PRKAG2: variants seen among roughly 807,000 people sequenced by gnomAD.
PRKAG2 encodes the protein protein kinase AMP-activated non-catalytic subunit gamma 2.
Under a neutral mutation model 69.6 loss-of-function variants are expected in PRKAG2, and 26 were observed. The ratio of observed to expected loss-of-function variants is 0.37; its 90% CI spans 0.27 to 0.52. The LOEUF is 0.52. PRKAG2 is among the 20% of genes least tolerant of loss of function. The probability of loss-of-function intolerance (pLI) is 0.90; values close to 1 mark genes in which losing one functional copy is unlikely to be tolerated. For missense variants in PRKAG2, 557 were observed against 740.0 expected, an observed-to-expected ratio of 0.75 and a Z score of 2.87; for synonymous variants, 293 against 285.0, an observed-to-expected ratio of 1.03 and a Z score of -0.28.
chr7:151,722,867 G>A (rs1054223817), intron 3 of PRKAG2, among the ~76,000 whole-genome samples: 1 of 152,046 alleles, frequency 6.6e-6, no homozygotes, highest in Non-Finnish European at 1.5e-5. Flanking sequence ...CCCTGCCCCA[G>A]AGGCCTTTTA....
rs75787462 is a variant in PRKAG2 at position 151,850,279 on chromosome 7, C to T, written c.114+26228G>A. ...GGAGGTACAGTCCCCTCACCTAGAA[C>T]GCTTCTTGAGTGTTTAATGGAAAGA... is the stretch of plus-strand genomic sequence containing the variant. On this transcript the variant is annotated intron_variant, in intron 1 of 15. Coordinates refer to ENST00000287878, the MANE Select transcript of PRKAG2 (RefSeq NM_016203.4). This position sits in a 1 kb window ranked among gnomAD's most constrained non-coding sequence, Gnocchi z 4.1. Among the ~76,000 whole-genome samples the T allele has an allele frequency of 0.027, 4,164 of 152,300 alleles. 186 individuals are homozygous for T. The highest frequency in any genetic ancestry group is 0.093 in the African/African-American group (3,880 of 41,546).
intron 4 of PRKAG2, among the ~76,000 whole-genome samples, chr7:151,647,173 A>T (rs1827711017): frequency 6.6e-6 from 1 of 152,196 alleles, no homozygotes; most frequent in African/African-American, 2.4e-5. Context: ...TTGCAGAGAG[A>T]GAGAAGAACG....
At chr7:151,635,404 C>CT (rs35694736) in intron 4 of PRKAG2, among the ~76,000 whole-genome samples, 4 of 152,150 alleles carry the variant, frequency 2.6e-5, no homozygotes, top group East Asian at 1.9e-4. Context: ...TTCATAGCAG[C>CT]TTTTTTGCAA....
At chr7:151,722,771 C>G (rs1326113791) in intron 3 of PRKAG2, among the ~76,000 whole-genome samples, 1 of 151,940 alleles carries the variant, frequency 6.6e-6, no homozygotes, top group African/African-American at 2.4e-5. Flanking sequence ...GTCACAGGCA[C>G]TTCTTATTAT....
chr7:151,876,208 A>T (rs927379957), intron 1 of PRKAG2, among the ~76,000 whole-genome samples: 47 of 152,028 alleles, frequency 3.1e-4, no homozygotes, highest in Non-Finnish European at 5.6e-4. Flanking sequence ...ACCCGGCTGG[A>T]TACCGGGCTA....
At chr7:151,596,664 G>T (rs1195769202) in intron 5 of PRKAG2, among the ~76,000 whole-genome samples, 1 of 152,162 alleles carries the variant, frequency 6.6e-6, no homozygotes, top group East Asian at 1.9e-4. Context: ...CACGAGAATT[G>T]CTTGAACCTG....
At chr7:151,868,681 G>A (rs1207781764) in intron 1 of PRKAG2, among the ~76,000 whole-genome samples, 2 of 152,232 alleles carry the variant, frequency 1.3e-5, no homozygotes, top group Non-Finnish European at 2.9e-5. Flanking sequence ...AGGGAGGGCG[G>A]AGGGAGGAGA....
intron 1 of PRKAG2, among the ~76,000 whole-genome samples, chr7:151,822,853 G>C (rs560733207): frequency 0.11 from 17,440 of 152,078 alleles, 1,129 homozygotes; most frequent in East Asian, 0.24. Flanking sequence ...ACAAAAGGTT[G>C]CCCAATGAAT....
At chr7:151,745,376 G>A (rs377281628) in intron 3 of PRKAG2, among the ~76,000 whole-genome samples, 71 of 152,314 alleles carry the variant, frequency 4.7e-4, no homozygotes, top group African/African-American at 1.4e-3. Context: ...TGCTGCACTT[G>A]ACTCTGAGAT....
intron 6 of PRKAG2, among the ~76,000 whole-genome samples, chr7:151,591,515 C>T (rs1037645850): frequency 3.3e-5 from 5 of 152,148 alleles, no homozygotes; most frequent in South Asian, 2.1e-4. Context: ...CACCCCAGAA[C>T]GGCCTGAAAC....
At chr7:151,616,072 C>T (rs567039499) in intron 5 of PRKAG2, among the ~76,000 whole-genome samples, 2 of 152,336 alleles carry the variant, frequency 1.3e-5, no homozygotes, top group African/African-American at 4.8e-5. Flanking sequence ...CCTTGGCAAG[C>T]AAATTTTGCC....
At chr7:151,718,491 G>A (rs1021323652) in intron 3 of PRKAG2, among the ~76,000 whole-genome samples, 1 of 151,922 alleles carries the variant, frequency 6.6e-6, no homozygotes, top group Non-Finnish European at 1.5e-5. Context: ...GGTCATGGTG[G>A]CTGTGCCCAG....
rs113845641 is a variant in PRKAG2 at position 151,593,273 on chromosome 7, C to T, written c.864+2072G>A. On this transcript the variant is annotated intron_variant, in intron 6 of 15. Transcript: ENST00000287878. ...CACAATCTCGGCTCACTGCAGCCTC[C>T]GCCTCCTGGGTTGAAGCGACCCTCC... Among the ~76,000 whole-genome samples the T allele has an allele frequency of 8.2e-3, 1,241 of 152,262 alleles. 25 individuals carry two copies. Among genetic ancestry groups the T allele is most frequent in the Middle Eastern group, 0.031 (9 of 294 alleles).
At chr7:151,703,885 CACACACACACACACACACACACACAA>C (rs1563476310) in intron 3 of PRKAG2, among the ~76,000 whole-genome samples, 2 of 146,672 alleles carry the variant, frequency 1.4e-5, no homozygotes, top group African/African-American at 5.0e-5. Context: ...CACACACACA[CACACACACACACACACACACACACAA>C]ATTAGCTAGG....
chr7:151,695,967 C>G (rs544732193), intron 3 of PRKAG2, among the ~76,000 whole-genome samples: 2 of 152,194 alleles, frequency 1.3e-5, no homozygotes, highest in Non-Finnish European at 2.9e-5. Flanking sequence ...AGACCCCACC[C>G]TGTGTTTACA....
intron 5 of PRKAG2, among the ~76,000 whole-genome samples, chr7:151,617,282 A>AC: frequency 1.4e-4 from 1 of 7,152 alleles, no homozygotes; most frequent in South Asian, 3.9e-3. Flanking sequence ...GAGGGAGGGA[A>AC]AGAGGGAGGG....
intron 1 of PRKAG2, among the ~76,000 whole-genome samples, chr7:151,812,092 G>T (rs2078451110): frequency 6.6e-6 from 1 of 152,148 alleles, no homozygotes; most frequent in African/African-American, 2.4e-5. Flanking sequence ...ACCAAAATAT[G>T]CAATACAGAC....
intron 3 of PRKAG2, among the ~76,000 whole-genome samples, chr7:151,748,441 G>T (rs2151730013): frequency 6.6e-6 from 1 of 152,234 alleles, no homozygotes; most frequent in East Asian, 1.9e-4. Flanking sequence ...TGTGGGGTGG[G>T]ACATTGAATT....
intron 9 of PRKAG2, chr7:151,572,421 C>G (rs1485947073): frequency 5.9e-6 from 2 of 337,244 alleles, no homozygotes; most frequent in African/African-American, 4.3e-5. Flanking sequence ...ACATTCCTGG[C>G]CCTAGGATAA....
Sources: allele counts gnomAD v4.1 joint callset (sites outside exome capture counted in the v4.1 genomes callset), GRCh38; gene constraint gnomAD v4.1.1; non-coding constraint Gnocchi (gnomAD v3.1); transcripts MANE v1.5; gene names NCBI Gene and HGNC (gene_info 2026-07-23, HGNC 2026-07-21).